Variants in SLC8A1 observed in about 807,000 individuals in gnomAD.
SLC8A1 encodes sodium/calcium exchanger 1.
In SLC8A1, 18 loss-of-function variants were observed where a neutral mutation model predicts 68.3. That is an observed-to-expected ratio of 0.26 (90% CI 0.18 to 0.39). The LOEUF is 0.39. Ranked by LOEUF, SLC8A1 falls within the 10% of genes least tolerant of loss-of-function variation. The pLI is 1.00. For synonymous variants in SLC8A1, 475 were observed against 415.5 expected, an observed-to-expected ratio of 1.14 and a Z score of -1.74; for missense variants, 985 against 1,156.7, an observed-to-expected ratio of 0.85 and a Z score of 2.15.
chr2:40,227,196 C>A (rs2059089885), intron 2 of SLC8A1, among the ~76,000 whole-genome samples: 1 of 151,994 alleles, frequency 6.6e-6, no homozygotes, highest in South Asian at 2.1e-4. Flanking sequence ...CTTTATGGTT[C>A]TTTGTTTTGT....
chr2:40,370,537 C>T (rs1194540235), intron 2 of SLC8A1, among the ~76,000 whole-genome samples: 1 of 152,018 alleles, frequency 6.6e-6, no homozygotes, highest in Non-Finnish European at 1.5e-5. Context: ...AACAAAACAT[C>T]CTGGAAAAAA....
At chr2:40,504,159 T>C (rs1706220426) in intron 1 of SLC8A1, among the ~76,000 whole-genome samples, 1 of 151,730 alleles carries the variant, frequency 6.6e-6, no homozygotes, top group South Asian at 2.1e-4. Flanking sequence ...CACACACCTA[T>C]AGATAGTGAA....
At chr2:40,433,065 A>G (rs538476664) in intron 1 of SLC8A1, among the ~76,000 whole-genome samples, 195 of 152,272 alleles carry the variant, frequency 1.3e-3, no homozygotes, top group African/African-American at 4.5e-3. Context: ...CAAGACTGAT[A>G]TAACTAACCA....
chr2:40,296,683 C>T (rs1183140827), intron 2 of SLC8A1, among the ~76,000 whole-genome samples: 1 of 152,048 alleles, frequency 6.6e-6, no homozygotes, highest in African/African-American at 2.4e-5. Flanking sequence ...TATTAGTTGT[C>T]ATGCTATATT....
At chr2:40,201,063 A>C (rs1056717583) in intron 2 of SLC8A1, among the ~76,000 whole-genome samples, 3 of 151,712 alleles carry the variant, frequency 2.0e-5, no homozygotes, top group African/African-American at 7.3e-5. Context: ...TATAATGCCA[A>C]AATACTCAGG....
chr2:40,431,179 G>T (rs568924477), intron 1 of SLC8A1, among the ~76,000 whole-genome samples: 4 of 151,776 alleles, frequency 2.6e-5, no homozygotes, highest in African/African-American at 9.7e-5. Context: ...AGATAAACAG[G>T]CCAAGGCCTA....
chr2:40,365,064 T>G (rs1675711526), intron 2 of SLC8A1, among the ~76,000 whole-genome samples: 1 of 152,102 alleles, frequency 6.6e-6, no homozygotes, highest in Admixed American at 6.6e-5. Flanking sequence ...GATGCCTCTC[T>G]GGGACTGGCC....
intron 2 of SLC8A1, among the ~76,000 whole-genome samples, chr2:40,387,347 G>T (rs1433333563): frequency 6.6e-6 from 1 of 151,390 alleles, no homozygotes; most frequent in Non-Finnish European, 1.5e-5. Flanking sequence ...AGATAACAAA[G>T]AAATTGATAT....
chr2:40,353,037 G>C (rs1292258651), intron 2 of SLC8A1, among the ~76,000 whole-genome samples: 1 of 152,094 alleles, frequency 6.6e-6, no homozygotes, highest in Non-Finnish European at 1.5e-5. Flanking sequence ...TCCTGAAGGG[G>C]TGGAGCTCTC....
At chr2:40,127,318 C>G (rs1391950456) in intron 7 of SLC8A1, among the ~76,000 whole-genome samples, 1 of 152,146 alleles carries the variant, frequency 6.6e-6, no homozygotes, top group African/African-American at 2.4e-5. Flanking sequence ...CCCCATTTCT[C>G]CCCAAAGCAC....
chr2:40,511,164 C>T (rs1051959002), intron 1 of SLC8A1, among the ~76,000 whole-genome samples: 5 of 152,130 alleles, frequency 3.3e-5, no homozygotes, highest in Non-Finnish European at 5.9e-5. Context: ...TTTTTTCCCA[C>T]TCATACTCTA....
intron 2 of SLC8A1, among the ~76,000 whole-genome samples, chr2:40,290,491 G>A (rs116467336): frequency 6.6e-6 from 1 of 152,118 alleles, no homozygotes; most frequent in Non-Finnish European, 1.5e-5. Flanking sequence ...CGGCAGCAGA[G>A]TCTGGGCCAG....
At chr2:40,229,587 T>C (rs976010888) in intron 2 of SLC8A1, among the ~76,000 whole-genome samples, 1 of 152,158 alleles carries the variant, frequency 6.6e-6, no homozygotes, top group Non-Finnish European at 1.5e-5. Flanking sequence ...CCTAAATAAG[T>C]CCTTACAGCT....
chr2:40,155,616 C>T (rs763031755), intron 6 of SLC8A1, among the ~76,000 whole-genome samples: 22 of 152,152 alleles, frequency 1.4e-4, no homozygotes, highest in Non-Finnish European at 3.2e-4. Flanking sequence ...TTTATTAAGA[C>T]TTTTAGAGTA....
intron 2 of SLC8A1, among the ~76,000 whole-genome samples, chr2:40,278,539 G>C (rs756106722): frequency 6.6e-6 from 1 of 152,092 alleles, no homozygotes; most frequent in African/African-American, 2.4e-5. Context: ...GATAAGGGGA[G>C]AGTAGAGTAA....
intron 1 of SLC8A1, among the ~76,000 whole-genome samples, chr2:40,471,235 C>A (rs917958287): frequency 6.6e-6 from 1 of 152,136 alleles, no homozygotes; most frequent in African/African-American, 2.4e-5. Flanking sequence ...AACTTCATGT[C>A]ATTCAGCTCC....
intron 2 of SLC8A1, among the ~76,000 whole-genome samples, chr2:40,196,471 C>G (rs562560318): frequency 1.1e-4 from 16 of 152,106 alleles, no homozygotes; most frequent in Non-Finnish European, 1.9e-4. Flanking sequence ...TGAGATCCAG[C>G]TGGCTACTTG....
In SLC8A1 at chr2:40,445,864, G is replaced by A. The variant is rs554437755; in HGVS notation, c.-25+6040C>T. On this transcript the variant is annotated intron_variant, in intron 1 of 7. Transcript: ENST00000406785. ...GAAACTTCTGAGAGACATTTGATGG[G>A]TACCTCTCCAAACTGTCTGATGCCA... Among the ~76,000 whole-genome samples, 113 of 152,246 alleles carry A rather than the reference G, an allele frequency of 7.4e-4. 1 individual carries two copies. Among genetic ancestry groups the A allele is most frequent in the Non-Finnish European group, 1.5e-3 (99 of 68,020 alleles).
intron 2 of SLC8A1, among the ~76,000 whole-genome samples, chr2:40,254,223 T>C (rs911823379): frequency 2.0e-5 from 3 of 152,182 alleles, no homozygotes; most frequent in African/African-American, 7.2e-5. Flanking sequence ...TGCTAAGTCA[T>C]TGATAAATTA....
Sources: allele counts gnomAD v4.1 joint callset (sites outside exome capture counted in the v4.1 genomes callset), GRCh38; gene constraint gnomAD v4.1.1; transcripts MANE v1.5; gene names NCBI Gene and HGNC (gene_info 2026-07-23, HGNC 2026-07-21).